Variants in CNTN1 observed in about 807,000 individuals in gnomAD.
CNTN1 encodes contactin-1.
Under a neutral mutation model 126.4 loss-of-function variants are expected in CNTN1, and 38 were observed. The observed-to-expected ratio is 0.30, with a 90% CI of 0.23 to 0.39. The LOEUF is 0.39. Ranked by LOEUF, CNTN1 falls within the 10% of genes least tolerant of loss-of-function variation. CNTN1 has a pLI of 1.00. For synonymous variants in CNTN1, 413 were observed against 422.6 expected, an observed-to-expected ratio of 0.98 and a Z score of 0.28; for missense variants, 1,009 against 1,248.4, an observed-to-expected ratio of 0.81 and a Z score of 2.89.
chr12:40,725,654 G>A (rs1245175608), intron 1 of CNTN1, among the ~76,000 whole-genome samples: 1 of 152,010 alleles, frequency 6.6e-6, no homozygotes, highest in Non-Finnish European at 1.5e-5. Flanking sequence ...ATTTCAACAA[G>A]TGCCAATTAG....
intron 1 of CNTN1, among the ~76,000 whole-genome samples, chr12:40,712,936 T>G (rs200557736): frequency 6.6e-6 from 1 of 152,064 alleles, no homozygotes; most frequent in African/African-American, 2.4e-5. Context: ...AATCGGGGGA[T>G]GTGAGTTATT....
At chr12:40,697,724 C>T (rs369551043) in intron 1 of CNTN1, among the ~76,000 whole-genome samples, 2 of 152,216 alleles carry the variant, frequency 1.3e-5, no homozygotes. Flanking sequence ...TATCCCAGTG[C>T]GAAATGGCTC....
chr12:40,862,358 C>T (rs974559965), intron 1 of CNTN1, among the ~76,000 whole-genome samples: 2 of 152,184 alleles, frequency 1.3e-5, no homozygotes, highest in Non-Finnish European at 1.5e-5. Context: ...TAACAGGTCA[C>T]GGACTGGTAC....
intron 1 of CNTN1, among the ~76,000 whole-genome samples, chr12:40,901,236 T>C (rs1003870773): frequency 6.6e-6 from 1 of 152,198 alleles, no homozygotes; most frequent in East Asian, 1.9e-4. Context: ...TCTCTATGTT[T>C]TAGTAGTTTT....
intron 1 of CNTN1, among the ~76,000 whole-genome samples, chr12:40,792,323 A>ATGCTTATTT (rs1940249365): frequency 1.3e-5 from 2 of 152,214 alleles, no homozygotes; most frequent in Admixed American, 1.3e-4. Context: ...TGAGGAGGCA[A>ATGCTTATTT]TGCTTATTTT....
chr12:41,017,848 T>A (rs1229154144), intron 19 of CNTN1, among the ~76,000 whole-genome samples: 1 of 152,090 alleles, frequency 6.6e-6, no homozygotes. Context: ...TCCCAGCACT[T>A]AGGGAGGCTG....
chr12:40,967,832 G>A (rs1391257652), intron 15 of CNTN1, among the ~76,000 whole-genome samples: 1 of 151,120 alleles, frequency 6.6e-6, no homozygotes, highest in Non-Finnish European at 1.5e-5. Context: ...AAATCTTTAG[G>A]CTGTGAAAAG....
rs1215926149 is a variant in CNTN1 at position 40,812,401 on chromosome 12, A to G, written c.-76-95956A>G. Among the ~76,000 whole-genome samples the G allele has an allele frequency of 2.6e-5, 4 of 152,076 alleles. No individual in the cohort carries two copies. The East Asian group carries it at 7.7e-4, about 29-fold the overall frequency. ...TGTATGTCTTGTGTTCACTTTGTCT[A>G]TAGGTTATTTAAGAAACCTATAGAC... On this transcript the variant is annotated intron_variant, in intron 1 of 23. Transcript: ENST00000551295.
At chr12:40,922,118 G>C (rs1232812300) in intron 4 of CNTN1, 138 bp from the exon 5 acceptor site, 1 of 736,864 alleles carries the variant, frequency 1.4e-6, no homozygotes, top group East Asian at 2.7e-5. Flanking sequence ...AGAGTACAAA[G>C]AAATACCACC....
rs143583714 is a variant in CNTN1 at position 40,697,589 on chromosome 12, T to A, written c.-77+4997T>A. 1.6e-3 allele frequency among the ~76,000 whole-genome samples: 237 copies of A among 152,318 alleles called. 1 individual carries two copies. Among genetic ancestry groups the A allele is most frequent in the African/African-American group, 4.5e-3 (187 of 41,570 alleles). On this transcript the variant is annotated intron_variant, in intron 1 of 23. Transcript: ENST00000551295. ...ATTTGCAGTAGTGTCTCTTTGTAGC[T>A]TTCAGGTTCAGAAAACTTTCTACCA...
At chr12:41,050,678 A>G (rs1443519639) in intron 23 of CNTN1, among the ~76,000 whole-genome samples, 1 of 152,182 alleles carries the variant, frequency 6.6e-6, no homozygotes, top group Non-Finnish European at 1.5e-5. Context: ...TGCATAAATG[A>G]GAATAATGGT....
intron 1 of CNTN1, among the ~76,000 whole-genome samples, chr12:40,703,921 G>A (rs1442507739): frequency 1.3e-5 from 2 of 152,110 alleles, no homozygotes; most frequent in Non-Finnish European, 2.9e-5. Context: ...AACTAAGTGT[G>A]TAAAATAGAT....
At chr12:40,809,868 G>T (rs1440696516) in intron 1 of CNTN1, among the ~76,000 whole-genome samples, 1 of 147,398 alleles carries the variant, frequency 6.8e-6, no homozygotes, top group African/African-American at 2.5e-5. Context: ...AAACTCATTT[G>T]TAAATGACTC....
In CNTN1 at chr12:40,878,197, A is replaced by G. The variant is rs138416759; in HGVS notation, c.-76-30160A>G. The stretch of plus-strand genomic sequence containing the variant: ...TTTTTAGTAGAGACAAAGTTTCTCC[A>G]TGTTTGTCAGGCTGGTCTCGAACTC... On this transcript the variant is annotated intron_variant, in intron 1 of 23. Transcript: ENST00000551295. Among the ~76,000 whole-genome samples, 126 of 151,180 alleles carry G rather than the reference A, an allele frequency of 8.3e-4. 1 individual carries two copies. In the East Asian group the frequency reaches 0.012, roughly 15 times the overall value.
intron 23 of CNTN1, among the ~76,000 whole-genome samples, chr12:41,068,043 C>T (rs767060955): frequency 7.9e-5 from 12 of 152,144 alleles, no homozygotes; most frequent in East Asian, 1.9e-4. Context: ...AAGTGCAGAG[C>T]GCAGTTTCCT....
rs139186377 is a variant in CNTN1 at position 40,948,077 on chromosome 12, T to C, written c.1683+3907T>C. Among the ~76,000 whole-genome samples the C allele has an allele frequency of 2.4e-3, 364 of 151,894 alleles. 1 individual carries two copies. The highest frequency in any genetic ancestry group is 8.5e-3 in the African/African-American group (351 of 41,480). ...CATTCACTTACTTCATTCAGGTTAC[T>C]TCACTGGGTTTGAAAAACTAGTTAC... is the stretch of plus-strand genomic sequence containing the variant. On this transcript the variant is annotated intron_variant, in intron 14 of 23. Coordinates refer to ENST00000551295, the MANE Select transcript of CNTN1 (RefSeq NM_001843.4).
chr12:40,965,946 A>G (rs1947289737), intron 15 of CNTN1, among the ~76,000 whole-genome samples: 1 of 151,916 alleles, frequency 6.6e-6, no homozygotes. Context: ...AAAGTTCTAT[A>G]TAATATACAC....
chr12:40,983,736 T>C (rs911259105), intron 16 of CNTN1, among the ~76,000 whole-genome samples: 4 of 148,002 alleles, frequency 2.7e-5, no homozygotes, highest in Non-Finnish European at 6.0e-5. Context: ...CAGTACTATA[T>C]ATATATACTA....
intron 1 of CNTN1, among the ~76,000 whole-genome samples, chr12:40,885,817 T>G (rs2136709358): frequency 6.6e-6 from 1 of 152,192 alleles, no homozygotes; most frequent in South Asian, 2.1e-4. Flanking sequence ...TTTAAGAATA[T>G]TGAGTCTTGT....
Sources: gnomAD v4.1 joint callset for allele counts (sites outside exome capture counted in the v4.1 genomes callset) on GRCh38, gnomAD v4.1.1 for gene constraint, MANE v1.5 for transcripts, NCBI Gene and HGNC (gene_info 2026-07-23, HGNC 2026-07-21) for gene names.